The following FRAS1 variants were observed in gnomAD, a reference collection of about 807,000 sequenced individuals.
FRAS1 encodes the protein Fraser extracellular matrix complex subunit 1, also known as extracellular matrix organizing protein FRAS1.
A neutral mutation model predicts 435.2 loss-of-function variants in FRAS1; 290 were observed. The ratio of observed to expected loss-of-function variants is 0.67; its 90% CI spans 0.61 to 0.73. The LOEUF (loss-of-function observed/expected upper bound fraction) is 0.73. FRAS1 is among the 30% of genes least tolerant of loss of function. The pLI, the probability that FRAS1 is intolerant of heterozygous loss-of-function variation, is 0.00. For missense variants in FRAS1, 4,860 were observed against 5,001.5 expected (o/e 0.97, Z 0.85); for synonymous variants, 1,800 against 1,851.0 (o/e 0.97, Z 0.71).
intron 2 of FRAS1, chr4:78,070,635 A>C (rs1740298561): frequency 6.6e-6 from 1 of 152,228 alleles, no homozygotes. Context: ...CATCAGAGGG[A>C]AACTACCTAG....
intron 2 of FRAS1, among the ~76,000 whole-genome samples, chr4:78,192,785 C>T (rs568100097): frequency 4.6e-4 from 70 of 152,184 alleles, no homozygotes; most frequent in African/African-American, 1.4e-3. Flanking sequence ...AGTTCTGCTA[C>T]GATCTTAGTT....
intron 2 of FRAS1, among the ~76,000 whole-genome samples, chr4:78,188,275 G>A (rs769881889): frequency 7.2e-4 from 2 of 2,778 alleles, no homozygotes; most frequent in Non-Finnish European, 8.5e-3. Context: ...CAGTCTATCT[G>A]TCTGTCTATC....
At chr4:78,282,078 C>T (rs1410011000) in intron 11 of FRAS1, among the ~76,000 whole-genome samples, 2 of 152,150 alleles carry the variant, frequency 1.3e-5, no homozygotes, top group Non-Finnish European at 2.9e-5. Flanking sequence ...GCTTAATAAG[C>T]GTTTTATAAA....
intron 9 of FRAS1, among the ~76,000 whole-genome samples, chr4:78,272,094 T>C (rs575247862): frequency 6.6e-6 from 1 of 152,364 alleles, no homozygotes; most frequent in South Asian, 2.1e-4. Context: ...CATGTGTCTG[T>C]TGGCTGCATA....
intron 4 of FRAS1, among the ~76,000 whole-genome samples, chr4:78,249,569 C>T (rs533010328): frequency 1.3e-5 from 2 of 152,148 alleles, no homozygotes; most frequent in South Asian, 2.1e-4. Flanking sequence ...GTGATCCACT[C>T]GCCTTGGCCT....
chr4:78,070,480 G>A (rs1325057831), intron 2 of FRAS1: 1 of 152,074 alleles, frequency 6.6e-6, no homozygotes, highest in Non-Finnish European at 1.5e-5. Context: ...ATGACCAGAA[G>A]GGACTAAAAA....
rs1734549231 is a variant in FRAS1, at chr4:78,439,041, A to G, written c.5506A>G (p.Ile1836Val). The G allele has an allele frequency of 1.2e-6, 2 of 1,613,436 alleles. No homozygotes were observed. Among genetic ancestry groups the G allele is most frequent in the Non-Finnish European group, 1.7e-6 (2 of 1,179,712 alleles). The change falls in exon 40 of 74, where the codon ATT becomes GTT. Residue 1836 changes from isoleucine (I) to valine (V), a missense_variant. Coordinates refer to ENST00000512123, the MANE Select transcript of FRAS1 (RefSeq NM_025074.7). ...TCCTGCTGAAAATCCACCTCCAGTC[A>G]TTGCTTTTGCTGACCTTATCACGGT... ...ITPAENPPPVIAFADLITVDE... is the reference protein window; with the variant it reads ...ITPAENPPPVVAFADLITVDE...
chr4:78,125,771 C>T (rs900907245), intron 2 of FRAS1, among the ~76,000 whole-genome samples: 9 of 152,260 alleles, frequency 5.9e-5, no homozygotes, highest in Middle Eastern at 6.8e-3. Flanking sequence ...AGAGGGCACC[C>T]GCCTGTTTGA....
chr4:78,529,719 G>A (rs1025812793), intron 70 of FRAS1, among the ~76,000 whole-genome samples: 6 of 152,172 alleles, frequency 3.9e-5, no homozygotes, highest in Non-Finnish European at 8.8e-5. Context: ...CAGCTACTAA[G>A]TGACTAACAA....
intron 29 of FRAS1, among the ~76,000 whole-genome samples, chr4:78,397,039 A>G (rs1732700840): frequency 6.6e-6 from 1 of 152,080 alleles, no homozygotes; most frequent in Non-Finnish European, 1.5e-5. Context: ...ACAAATCTTC[A>G]TTTCTTTGGG....
intron 29 of FRAS1, among the ~76,000 whole-genome samples, chr4:78,399,014 G>A (rs9997865): frequency 0.14 from 21,223 of 151,950 alleles, 1,867 homozygotes; most frequent in African/African-American, 0.25. Context: ...AGTATATCAT[G>A]GTATACAAGA....
At chr4:78,335,321 T>C (rs74479046) in intron 19 of FRAS1, among the ~76,000 whole-genome samples, 12,074 of 152,238 alleles carry the variant, frequency 0.079, 616 homozygotes, top group East Asian at 0.27. Flanking sequence ...TCTCTTACTC[T>C]ATGAGGCCTC....
At position 78,193,867 on chromosome 4, in the gene FRAS1, C is replaced by T. The variant is rs913953894; in HGVS notation, c.109-43643C>T. On this transcript the variant is annotated intron_variant, in intron 2 of 73. Coordinates refer to ENST00000512123, the MANE Select transcript of FRAS1 (RefSeq NM_025074.7). ...AGTTGATGCAGTTTCTTCCTAGCCT[C>T]GATGGTCTTTACAATTTGGCATGTT... 5.3e-5 allele frequency among the ~76,000 whole-genome samples: 8 copies of T among 152,130 alleles called. No homozygotes were observed. In the South Asian group the frequency reaches 6.2e-4, roughly 12 times the overall value.
intron 18 of FRAS1, among the ~76,000 whole-genome samples, chr4:78,332,719 T>G (rs1389141519): frequency 6.6e-6 from 1 of 152,260 alleles, no homozygotes; most frequent in Non-Finnish European, 1.5e-5. Context: ...CTATACTCTT[T>G]CATTCATTCT....
At chr4:78,511,586 A>G (rs2109884832) in intron 64 of FRAS1, 80 bp downstream of exon 64, 2 of 1,022,242 alleles carry the variant, frequency 2.0e-6, no homozygotes, top group East Asian at 2.6e-5. Flanking sequence ...AGGACAATCA[A>G]TAAGGGATGC....
chr4:78,375,233 G>T (rs184436221), intron 25 of FRAS1, among the ~76,000 whole-genome samples: 5 of 152,248 alleles, frequency 3.3e-5, no homozygotes, highest in Non-Finnish European at 5.9e-5. Context: ...GAGATACAAT[G>T]GTGGTAGTAG....
chr4:78,195,210 T>C (rs1423182346), intron 2 of FRAS1, among the ~76,000 whole-genome samples: 8 of 152,222 alleles, frequency 5.3e-5, no homozygotes, highest in Non-Finnish European at 1.5e-5. Flanking sequence ...GTTAGGCTAC[T>C]CGGGGGTCAG....
In FRAS1 at chr4:78,432,664, T is replaced by G. The variant is rs75372900; in HGVS notation, c.5217+60T>G. Reference sequence around the variant, plus strand: ...CGCCGCATCTTCTGATGGGGCAGACTGGGCAGCAATGCCATGGCTGAATAT... The same window carrying G: ...CGCCGCATCTTCTGATGGGGCAGACGGGGCAGCAATGCCATGGCTGAATAT... On this transcript the variant is annotated intron_variant, in intron 38 of 73. Coordinates refer to ENST00000512123, the MANE Select transcript of FRAS1 (RefSeq NM_025074.7). 392 of 1,492,976 alleles carry G rather than the reference T, an allele frequency of 2.6e-4. No individual in the cohort carries two copies. In the African/African-American group the frequency reaches 4.6e-3, roughly 17 times the overall value. The allele number at this position is 1,492,976 out of a possible 1,614,324, so 92.5% of individuals were successfully genotyped here.
intron 29 of FRAS1, among the ~76,000 whole-genome samples, chr4:78,392,859 A>G (rs568168201): frequency 3.9e-5 from 6 of 152,136 alleles, no homozygotes; most frequent in Admixed American, 2.0e-4. Flanking sequence ...TTAGGTTAAA[A>G]TTAGGCTTTT....
Sources: allele counts gnomAD v4.1 joint callset (sites outside exome capture counted in the v4.1 genomes callset), GRCh38; gene constraint gnomAD v4.1.1; transcripts MANE v1.5; gene names NCBI Gene and HGNC (gene_info 2026-07-23, HGNC 2026-07-21).